CCT8: variants seen among roughly 807,000 people sequenced by gnomAD.
The protein encoded by CCT8 is chaperonin containing TCP1 subunit 8, also known as T-complex protein 1 subunit theta.
In CCT8, 10 loss-of-function variants were observed where a neutral mutation model predicts 65.7. The observed-to-expected ratio is 0.15, with a 90% CI of 0.09 to 0.26. CCT8 has a LOEUF of 0.26. Among genes scored for constraint, CCT8 ranks in the 10% least tolerant of loss-of-function variants. The pLI is 1.00. For missense variants in CCT8, 568 were observed against 669.1 expected, an observed-to-expected ratio of 0.85 and a Z score of 1.67; for synonymous variants, 199 against 221.8, an observed-to-expected ratio of 0.90 and a Z score of 0.92.
chr21:29,061,754 C>T (rs2085566832), intron 11 of CCT8, among the ~76,000 whole-genome samples, 187 bp from the exon 12 acceptor site: 1 of 152,192 alleles, frequency 6.6e-6, no homozygotes, highest in Non-Finnish European at 1.5e-5. Flanking sequence ...TTTCTTAGTG[C>T]ACAGTGTCTG....
chr21:29,065,505 A>G (rs1429629211), intron 6 of CCT8, among the ~76,000 whole-genome samples: 1 of 152,236 alleles, frequency 6.6e-6, no homozygotes, highest in Non-Finnish European at 1.5e-5. Flanking sequence ...ACGTGGAGGG[A>G]GACAGCAAAC....
intron 1 of CCT8, among the ~76,000 whole-genome samples, chr21:29,071,118 C>T (rs1239350078): frequency 2.0e-5 from 3 of 152,272 alleles, no homozygotes; most frequent in African/African-American, 4.8e-5. Context: ...TTTAGAGAAG[C>T]GCTGCCCAAT....
At chr21:29,062,099 AAAC>A (rs2085570324) in intron 11 of CCT8, 26 bp downstream of exon 11, 1 of 1,453,326 alleles carries the variant, frequency 6.9e-7, no homozygotes, top group South Asian at 1.1e-5. Flanking sequence ...CAGACCTTAC[AAAC>A]TACTAAGAAT....
intron 14 of CCT8, chr21:29,059,955 T>C (rs1170096012): frequency 3.9e-5 from 6 of 152,212 alleles, no homozygotes; most frequent in African/African-American, 1.4e-4. Context: ...TAAATAGTCA[T>C]TGCTTATTAA....
At chr21:29,058,093 G>A (rs1479776046) in intron 14 of CCT8, 3 of 152,090 alleles carry the variant, frequency 2.0e-5, no homozygotes, top group Non-Finnish European at 4.4e-5. Flanking sequence ...ATTTCAGACT[G>A]AATTAAAGGC....
chr21:29,057,706 TATA>T (rs554589862), intron 14 of CCT8, among the ~76,000 whole-genome samples: 198 of 147,034 alleles, frequency 1.3e-3, no homozygotes, highest in African/African-American at 4.8e-3. Context: ...ATATATCATA[TATA>T]ATATATATCA....
At chr21:29,059,351 A>G (rs991109505) in intron 14 of CCT8, 1 of 152,236 alleles carries the variant, frequency 6.6e-6, no homozygotes, top group South Asian at 2.1e-4. Context: ...CTGGGGGAAC[A>G]GATCAACCAA....
intron 6 of CCT8, among the ~76,000 whole-genome samples, chr21:29,066,375 T>C (rs1269118216): frequency 6.6e-6 from 1 of 152,034 alleles, no homozygotes; most frequent in Non-Finnish European, 1.5e-5. Context: ...ACCCCATCTC[T>C]ACTAAAAATA....
intron 14 of CCT8, among the ~76,000 whole-genome samples, chr21:29,057,715 TATC>T (rs2085516485): frequency 1.1e-5 from 1 of 88,558 alleles, no homozygotes. Flanking sequence ...ATATAATATA[TATC>T]ATACATATAT....
At chr21:29,057,659 T>C (rs1434467752) in intron 14 of CCT8, among the ~76,000 whole-genome samples, 8 of 59,458 alleles carry the variant, frequency 1.3e-4, no homozygotes, top group Non-Finnish European at 4.2e-4. Flanking sequence ...AATATATATA[T>C]GATATATGTA....
At chr21:29,070,733 T>G (rs1051767691) in intron 1 of CCT8, among the ~76,000 whole-genome samples, 3 of 152,208 alleles carry the variant, frequency 2.0e-5, no homozygotes, top group African/African-American at 7.2e-5. Flanking sequence ...TAAAATTTTT[T>G]TTATTAAAAG....
rs756468808 is a variant in CCT8 at position 29,056,521 on chromosome 21, T to C, written c.1601A>G (p.Lys534Arg). The change falls in exon 15 of 15, where the codon AAG (lysine) becomes AGG (arginine). Residue 534 changes from lysine to arginine, a missense_variant. Physicochemically the swap from Lys to Arg is conservative, Grantham distance 26. Coordinates refer to ENST00000286788, the MANE Select transcript of CCT8 (RefSeq NM_006585.4). The stretch of plus-strand genomic sequence containing the variant: ...CCAGTCTTTCTTCCCACTTGGAGGC[T>C]TGGGCCCACCAGCTGGTTTTGCCAT... ...IIMAKPAGGP[K>R]PPSGKKDWDD... 1.4e-5 allele frequency: 21 copies of C among 1,555,416 alleles called. No homozygotes were observed. Among genetic ancestry groups the C allele is most frequent in the South Asian group, 3.7e-5 (3 of 82,142 alleles).
At chr21:29,070,058 C>T (rs963326405) in intron 2 of CCT8, among the ~76,000 whole-genome samples, 189 bp downstream of exon 2, 2 of 151,752 alleles carry the variant, frequency 1.3e-5, no homozygotes, top group African/African-American at 4.8e-5. Flanking sequence ...ATATATTGAC[C>T]CCCATTTTTC....
At chr21:29,064,574 T>G (rs1490207793) in intron 7 of CCT8, among the ~76,000 whole-genome samples, 5 of 152,138 alleles carry the variant, frequency 3.3e-5, no homozygotes, top group Non-Finnish European at 7.4e-5. Flanking sequence ...AACACAAACT[T>G]CAAACTTTCT....
Position 29,067,843 on chromosome 21 carries a change from G to A in CCT8, c.232-138C>T, listed in dbSNP as rs574427221. 271 of 506,486 alleles carry A rather than the reference G, an allele frequency of 5.4e-4. 1 individual carries two copies. The highest frequency in any genetic ancestry group is 8.0e-4 in the Non-Finnish European group (249 of 312,452). 31.4% of individuals were successfully genotyped at this position (506,486 alleles called of 1,614,324 possible). ...TGATCACACTGCTACACTGCTATAC[G>A]CTACTTATAGTGTGGTCACAAGAAA... On this transcript the variant is annotated intron_variant, in intron 3 of 14. Coordinates refer to ENST00000286788, the MANE Select transcript of CCT8 (RefSeq NM_006585.4).
chr21:29,064,409 TA>T (rs34760776), intron 7 of CCT8, among the ~76,000 whole-genome samples: 7,852 of 26,422 alleles, frequency 0.3, 330 homozygotes, highest in East Asian at 0.41. Context: ...AGCAAGACTC[TA>T]AAAAAAAAAA....
Position 29,062,573 on chromosome 21 carries a change from G to A in CCT8, c.942-17C>T, listed in dbSNP as rs750110241. ...GAGTTTAGCCTTTAAAAAACACAAA[G>A]ACCTTAATAAAAGTTTTAATCAATT... On this transcript the variant is annotated splice_polypyrimidine_tract_variant and intron_variant, in intron 8 of 14. Transcript: ENST00000286788. 5 of 1,603,972 alleles carry A rather than the reference G, an allele frequency of 3.1e-6. No individual in the cohort carries two copies. The African/African-American group carries it at 6.7e-5, about 21-fold the overall frequency.
At chr21:29,063,323 G>C in intron 8 of CCT8, 29 bp downstream of exon 8, 1 of 1,568,456 alleles carries the variant, frequency 6.4e-7, no homozygotes, top group South Asian at 1.1e-5. Flanking sequence ...TTATGATATA[G>C]GTAAAAAAAA....
intron 13 of CCT8, 148 bp from the exon 14 acceptor site, chr21:29,060,808 G>A (rs1323120997): frequency 1.2e-6 from 1 of 846,208 alleles, no homozygotes; most frequent in African/African-American, 1.7e-5. Context: ...TAGTATGTGA[G>A]GATTGGTTCT....
Sources: allele counts gnomAD v4.1 joint callset (sites outside exome capture counted in the v4.1 genomes callset), GRCh38; gene constraint gnomAD v4.1.1; transcripts MANE v1.5; gene names NCBI Gene and HGNC (gene_info 2026-07-23, HGNC 2026-07-21).